EYA2: variants seen among roughly 807,000 people sequenced by gnomAD.
EYA2 encodes EYA transcriptional coactivator and phosphatase 2, also known as protein phosphatase EYA2.
Under a neutral mutation model 69.2 loss-of-function variants are expected in EYA2, and 31 were observed. The ratio of observed to expected loss-of-function variants is 0.45; its 90% CI spans 0.34 to 0.60. The LOEUF (loss-of-function observed/expected upper bound fraction) is 0.60. Ranked by LOEUF, EYA2 falls within the 20% of genes least tolerant of loss-of-function variation. The pLI is 0.02. For missense variants in EYA2, 622 were observed against 701.2 expected (o/e 0.89, Z 1.28); for synonymous variants, 257 against 279.4 (o/e 0.92, Z 0.80).
intron 5 of EYA2, among the ~76,000 whole-genome samples, chr20:47,068,415 T>C (rs2031193130): frequency 6.6e-6 from 1 of 152,236 alleles, no homozygotes; most frequent in Non-Finnish European, 1.5e-5. Context: ...ATCAGCACTG[T>C]TTGCCTTCCC....
intron 10 of EYA2, among the ~76,000 whole-genome samples, chr20:47,153,412 G>A (rs1055473901): frequency 4.0e-5 from 6 of 151,784 alleles, no homozygotes; most frequent in African/African-American, 7.2e-5. Flanking sequence ...AGGCTGAGGC[G>A]GGAGGATCAC....
At position 46,897,542 on chromosome 20, in the gene EYA2, C is replaced by G. The variant is rs1983874724; in HGVS notation, c.-11+2555C>G. On this transcript the variant is annotated intron_variant, in intron 1 of 15. Coordinates refer to ENST00000327619, the MANE Select transcript of EYA2 (RefSeq NM_005244.5). ...AACCAGCTCAGAGCGAGGACTCATT[C>G]TCTCTCCTTCCACCAGATGTTTTTT... Among the ~76,000 whole-genome samples, 3 of 152,242 alleles carry G rather than the reference C, an allele frequency of 2.0e-5. No individual in the cohort carries two copies. The South Asian group carries it at 6.2e-4, about 32-fold the overall frequency.
chr20:47,156,045 CACACACATATATATACAT>C, intron 10 of EYA2, among the ~76,000 whole-genome samples: 1 of 91,018 alleles, frequency 1.1e-5, no homozygotes, highest in Admixed American at 1.1e-4. Context: ...TACACACACA[CACACACATATATATACAT>C]ACACACACAC....
chr20:46,962,806 A>G (rs1440489779), intron 1 of EYA2, among the ~76,000 whole-genome samples: 1 of 152,154 alleles, frequency 6.6e-6, no homozygotes, highest in East Asian at 1.9e-4. Flanking sequence ...CCCCACTCTT[A>G]CTGCTTCAGT....
chr20:47,019,096 GC>G (rs1394830423), intron 5 of EYA2, among the ~76,000 whole-genome samples: 1 of 152,070 alleles, frequency 6.6e-6, no homozygotes, highest in African/African-American at 2.4e-5. Context: ...CCAGGCAGTC[GC>G]CCAGGCACAT....
chr20:47,039,509 T>C (rs1243951297), intron 5 of EYA2, among the ~76,000 whole-genome samples: 1 of 152,212 alleles, frequency 6.6e-6, no homozygotes, highest in Non-Finnish European at 1.5e-5. Flanking sequence ...GAAAATGTTT[T>C]CCCGTCCCCT....
chr20:47,058,537 G>A (rs2030743827), intron 5 of EYA2, among the ~76,000 whole-genome samples: 1 of 152,220 alleles, frequency 6.6e-6, no homozygotes, highest in Non-Finnish European at 1.5e-5. Flanking sequence ...GAGTCAGTAG[G>A]AGAGATGTGA....
chr20:46,950,225 C>G (rs1417962376), intron 1 of EYA2, among the ~76,000 whole-genome samples: 2 of 152,176 alleles, frequency 1.3e-5, no homozygotes, highest in African/African-American at 4.8e-5. Context: ...TTCCTAGAGT[C>G]TGGGAGAACT....
intron 5 of EYA2, among the ~76,000 whole-genome samples, chr20:47,070,806 A>G (rs1056504087): frequency 6.6e-6 from 1 of 152,188 alleles, no homozygotes; most frequent in Non-Finnish European, 1.5e-5. Context: ...TTTATGTTGT[A>G]TATATACCAC....
chr20:47,007,888 A>C (rs926676129), intron 4 of EYA2, among the ~76,000 whole-genome samples: 1 of 151,994 alleles, frequency 6.6e-6, no homozygotes, highest in Non-Finnish European at 1.5e-5. Flanking sequence ...TCTGCTTCCC[A>C]AAGTGCTACA....
In EYA2 at chr20:47,054,668, C is replaced by T. The variant is rs4810602; in HGVS notation, c.416-17517C>T. On this transcript the variant is annotated intron_variant, in intron 5 of 15. Transcript: ENST00000327619. ...GCCCAGGACTTGACCCCAGGACATC[C>T]CATACAGAGTTCTTTCTGCTGCTCT... Among the ~76,000 whole-genome samples the T allele has an allele frequency of 2.6e-3, 394 of 152,238 alleles. 6 individuals carry two copies. Among genetic ancestry groups the T allele is most frequent in the Admixed American group, 0.016 (239 of 15,300 alleles).
chr20:47,032,675 C>G (rs1984483538), intron 5 of EYA2, among the ~76,000 whole-genome samples: 1 of 152,154 alleles, frequency 6.6e-6, no homozygotes, highest in African/African-American at 2.4e-5. Context: ...ATCGAGAAAG[C>G]CAGATGCTGG....
At chr20:47,151,358 G>C (rs1429895646) in intron 10 of EYA2, among the ~76,000 whole-genome samples, 1 of 151,170 alleles carries the variant, frequency 6.6e-6, no homozygotes, top group African/African-American at 2.4e-5. Context: ...GCAACAGAGC[G>C]AGACTCCATC....
intron 9 of EYA2, among the ~76,000 whole-genome samples, chr20:47,100,388 C>T (rs1378664971): frequency 1.3e-5 from 2 of 152,204 alleles, no homozygotes; most frequent in African/African-American, 4.8e-5. Flanking sequence ...GGGGGGTGGA[C>T]ATTCTCCAGC....
intron 9 of EYA2, among the ~76,000 whole-genome samples, chr20:47,126,542 C>T (rs924065003): frequency 2.0e-5 from 3 of 152,184 alleles, no homozygotes; most frequent in Admixed American, 6.5e-5. Flanking sequence ...AAGAAAGTGG[C>T]ACCTCCCACT....
At chr20:46,903,246 T>C (rs1232077204) in intron 1 of EYA2, among the ~76,000 whole-genome samples, 1 of 152,178 alleles carries the variant, frequency 6.6e-6, no homozygotes, top group African/African-American at 2.4e-5. Flanking sequence ...GGTGTTGACA[T>C]GACTTTTTGA....
chr20:47,103,600 A>C (rs1285671686), intron 9 of EYA2, among the ~76,000 whole-genome samples: 10 of 152,170 alleles, frequency 6.6e-5, no homozygotes, highest in Admixed American at 5.9e-4. Context: ...AGGCAGTAGG[A>C]GAGAGAAAGT....
At chr20:47,139,344 C>G (rs1044136308) in intron 9 of EYA2, among the ~76,000 whole-genome samples, 1 of 152,216 alleles carries the variant, frequency 6.6e-6, no homozygotes, top group African/African-American at 2.4e-5. Flanking sequence ...AACAGCAGTC[C>G]TCAGTGACTG....
intron 7 of EYA2, among the ~76,000 whole-genome samples, chr20:47,074,940 C>T (rs1162734519): frequency 2.0e-5 from 3 of 152,168 alleles, no homozygotes; most frequent in Non-Finnish European, 4.4e-5. Flanking sequence ...GATGAAACCC[C>T]ATCTCTACTA....
Sources: gnomAD v4.1 joint callset for allele counts (sites outside exome capture counted in the v4.1 genomes callset) on GRCh38, gnomAD v4.1.1 for gene constraint, MANE v1.5 for transcripts, NCBI Gene and HGNC (gene_info 2026-07-23, HGNC 2026-07-21) for gene names.